The following CTCF variants were observed in gnomAD, a reference collection of about 807,000 sequenced individuals.
The protein encoded by CTCF is transcriptional repressor CTCF.
In CTCF, 7 loss-of-function variants were observed where a neutral mutation model predicts 72.3. The observed-to-expected ratio is 0.10, with a 90% CI of 0.06 to 0.18. CTCF has a LOEUF of 0.18. Among genes scored for constraint, CTCF ranks in the 10% least tolerant of loss-of-function variants. The pLI, the probability that CTCF is intolerant of heterozygous loss-of-function variation, is 1.00. For synonymous variants in CTCF, 374 were observed against 315.8 expected, an observed-to-expected ratio of 1.18 and a Z score of -1.95; for missense variants, 516 against 949.1, an observed-to-expected ratio of 0.54 and a Z score of 6.00.
chr16:67,592,113 T>C (rs1052166205), intron 2 of CTCF, among the ~76,000 whole-genome samples: 1 of 152,040 alleles, frequency 6.6e-6, no homozygotes, highest in African/African-American at 2.4e-5. Context: ...AACATTTTTC[T>C]AATGTAAAGA....
intron 2 of CTCF, among the ~76,000 whole-genome samples, chr16:67,609,097 T>G (rs1027246365): frequency 3.3e-5 from 5 of 152,158 alleles, no homozygotes; most frequent in African/African-American, 1.2e-4. Context: ...GCACAGTGGC[T>G]CAGTCACATG....
chr16:67,613,649 G>A lies in CTCF; in HGVS notation c.952+1528G>A, dbSNP rs537602953. 3.3e-5 allele frequency among the ~76,000 whole-genome samples: 5 copies of A among 152,246 alleles called. No homozygotes were observed. The East Asian group carries it at 5.8e-4, about 18-fold the overall frequency. On this transcript the variant is annotated intron_variant, in intron 4 of 11. Transcript: ENST00000264010. ...AAATCAGCTGGGTGTAGTGGCACAC[G>A]CCTGTAAACCCAGCTACTTGGGTGG...
intron 1 of CTCF, among the ~76,000 whole-genome samples, chr16:67,570,565 C>A (rs954996643): frequency 4.6e-5 from 7 of 151,596 alleles, no homozygotes; most frequent in Non-Finnish European, 8.8e-5. Context: ...TCTCAGCCTC[C>A]CAAGTAGCTG....
chr16:67,595,547 A>T (rs2051800091), intron 2 of CTCF, among the ~76,000 whole-genome samples: 1 of 151,770 alleles, frequency 6.6e-6, no homozygotes, highest in South Asian at 2.1e-4. Context: ...ACCATGTTGA[A>T]TGTCTTCTTG....
chr16:67,578,151 G>T (rs1289761914), intron 2 of CTCF, among the ~76,000 whole-genome samples: 1 of 152,014 alleles, frequency 6.6e-6, no homozygotes, highest in African/African-American at 2.4e-5. Flanking sequence ...CACATTTAAT[G>T]TAAGAACATG....
intron 2 of CTCF, among the ~76,000 whole-genome samples, chr16:67,583,628 C>T (rs897917243): frequency 2.0e-5 from 3 of 151,090 alleles, no homozygotes; most frequent in Non-Finnish European, 2.9e-5. Flanking sequence ...TGGAGGTTGC[C>T]GTGAGCCAAG....
At chr16:67,579,997 T>A (rs1231006556) in intron 2 of CTCF, among the ~76,000 whole-genome samples, 1 of 152,134 alleles carries the variant, frequency 6.6e-6, no homozygotes, top group Non-Finnish European at 1.5e-5. Flanking sequence ...TTCAGCATGG[T>A]GGTTTCAGAA....
chr16:67,609,168 G>A (rs960561540), intron 2 of CTCF, among the ~76,000 whole-genome samples: 4 of 152,150 alleles, frequency 2.6e-5, no homozygotes, highest in Non-Finnish European at 4.4e-5. Flanking sequence ...GGAGTTCAAG[G>A]CCAGTCTGGA....
intron 10 of CTCF, among the ~76,000 whole-genome samples, chr16:67,634,592 G>A (rs1279176146): frequency 3.5e-5 from 5 of 143,324 alleles, no homozygotes; most frequent in South Asian, 2.3e-4. Flanking sequence ...ATCACAGCAC[G>A]CTGCAGCCTC....
At chr16:67,574,800 A>C (rs1179535815) in intron 2 of CTCF, among the ~76,000 whole-genome samples, 1 of 151,630 alleles carries the variant, frequency 6.6e-6, no homozygotes, top group Non-Finnish European at 1.5e-5. Flanking sequence ...CTGAGACTAC[A>C]TGCGCCCACC....
At chr16:67,631,150 G>GTGTTT (rs2052356545) in intron 10 of CTCF, among the ~76,000 whole-genome samples, 1 of 132,534 alleles carries the variant, frequency 7.5e-6, no homozygotes, top group African/African-American at 3.2e-5. Context: ...TTTGTTCTTT[G>GTGTTT]TTTGTTTTTT....
chr16:67,620,743 C>T lies in CTCF; in HGVS notation c.1133C>T (p.Pro378Leu), dbSNP rs2142847512. 1.9e-6 allele frequency: 3 copies of T among 1,600,548 alleles called. No homozygotes were observed. Among genetic ancestry groups the T allele is most frequent in the Non-Finnish European group, 2.6e-6 (3 of 1,169,718 alleles). ...ATTCGCTCTCATACTGGAGAGCGTCCGTTTCAGTGCAGTTTGTGCAGTTAT... is the reference window on the plus strand; with the variant it reads ...ATTCGCTCTCATACTGGAGAGCGTCTGTTTCAGTGCAGTTTGTGCAGTTAT... ...RHIRSHTGER[P>L]FQCSLCSYAS... is the part of the protein sequence containing the mutation. Residue 378 changes from proline (P) to leucine (L), a missense_variant, in exon 6 of 12, where the codon CCG (proline) becomes CTG (leucine). By Grantham distance (98) the Pro-to-Leu change is moderately conservative (BLOSUM62 -3). This residue lies in a region of CTCF where 70 missense variants were observed against 290.1 expected (regional missense o/e 0.24). Coordinates refer to ENST00000264010, the MANE Select transcript of CTCF (RefSeq NM_006565.4).
At chr16:67,591,273 C>T (rs908936191) in intron 2 of CTCF, among the ~76,000 whole-genome samples, 5 of 152,134 alleles carry the variant, frequency 3.3e-5, no homozygotes, top group African/African-American at 1.2e-4. Flanking sequence ...GCCTGGGTGA[C>T]AGAGCGAGAC....
chr16:67,616,045 C>G (rs1357448850), intron 4 of CTCF: 2 of 152,174 alleles, frequency 1.3e-5, no homozygotes, highest in African/African-American at 4.8e-5. Context: ...CTCTAAGATT[C>G]CTTCAGTGAA....
At chr16:67,621,704 G>A (rs1009172678) in intron 7 of CTCF, 113 bp downstream of exon 7, 3 of 685,444 alleles carry the variant, frequency 4.4e-6, no homozygotes, top group Non-Finnish European at 7.0e-6. Flanking sequence ...TTTATGTATA[G>A]GAATGGCCTG....
chr16:67,594,712 C>T (rs2051789619), intron 2 of CTCF, among the ~76,000 whole-genome samples: 1 of 152,166 alleles, frequency 6.6e-6, no homozygotes, highest in Admixed American at 6.6e-5. Context: ...TTGTCCTGTG[C>T]AGGAACCATC....
chr16:67,617,795 A>T lies in CTCF; in HGVS notation c.1086+917A>T, dbSNP rs1398610041. On this transcript the variant is annotated intron_variant, in intron 5 of 11. Transcript: ENST00000264010. ...TAGGTTTATCAATTTTATTATTTGA[A>T]GCTACACTGTTACCAAAACTGGGTC... is the stretch of plus-strand genomic sequence containing the variant. 7.2e-5 allele frequency among the ~76,000 whole-genome samples: 11 copies of T among 152,330 alleles called. No individual in the cohort carries two copies. The East Asian group carries it at 1.9e-3, about 27-fold the overall frequency.
intron 2 of CTCF, among the ~76,000 whole-genome samples, chr16:67,577,214 C>A (rs540212446): frequency 6.6e-6 from 1 of 151,680 alleles, no homozygotes; most frequent in Non-Finnish European, 1.5e-5. Flanking sequence ...GTCAGGAGAT[C>A]GACACCATCC....
chr16:67,595,170 C>A (rs1285409310), intron 2 of CTCF, among the ~76,000 whole-genome samples: 1 of 152,140 alleles, frequency 6.6e-6, no homozygotes, highest in Non-Finnish European at 1.5e-5. Context: ...CTGGATAGAA[C>A]AAGACTGGCC....
Sources: allele counts gnomAD v4.1 joint callset (sites outside exome capture counted in the v4.1 genomes callset), GRCh38; gene constraint gnomAD v4.1.1; regional missense constraint gnomAD v4.1.1; transcripts MANE v1.5; gene names NCBI Gene and HGNC (gene_info 2026-07-23, HGNC 2026-07-21).